The following TWF1 variants were observed in gnomAD, a reference collection of about 807,000 sequenced individuals.
TWF1 encodes twinfilin actin binding protein 1.
A neutral mutation model predicts 47.9 loss-of-function variants in TWF1; 14 were observed. The ratio of observed to expected loss-of-function variants is 0.29; its 90% confidence interval spans 0.19 to 0.46. The LOEUF is 0.46. Among genes scored for constraint, TWF1 ranks in the 20% least tolerant of loss-of-function variants. The pLI is 1.00. For synonymous variants in TWF1, 96 were observed against 139.2 expected (o/e 0.69, Z 2.18); for missense variants, 281 against 409.3 (o/e 0.69, Z 2.70).
intron 8 of TWF1, 79 bp from the exon 9 acceptor site, chr12:43,795,834 C>G: frequency 7.1e-7 from 1 of 1,399,188 alleles, no homozygotes; most frequent in South Asian, 1.2e-5. Context: ...TATGAATGCT[C>G]ACAAATAATA....
At chr12:43,803,474 T>C (rs1367202325) in intron 2 of TWF1, among the ~76,000 whole-genome samples, 3 of 152,154 alleles carry the variant, frequency 2.0e-5, no homozygotes, top group Non-Finnish European at 2.9e-5. Flanking sequence ...TAGGTATTTA[T>C]GATACAATTT....
Position 43,797,516 on chromosome 12 carries a change from T to G in TWF1, c.610-64A>C, listed in dbSNP as rs1404538859. The G allele has an allele frequency of 7.1e-6, 10 of 1,413,284 alleles. No individual in the cohort carries two copies. In the East Asian group the frequency reaches 2.4e-4, roughly 34 times the overall value. 87.5% of individuals were successfully genotyped at this position (1,413,284 alleles called of 1,614,324 possible). On this transcript the variant is annotated intron_variant, in intron 6 of 8. Transcript: ENST00000395510. ...TATAAGGAAATTAAGTTAAAACATATAATAAAAAGACCAAGAGATAAAGGA... is the reference window on the plus strand; with the variant it reads ...TATAAGGAAATTAAGTTAAAACATAGAATAAAAAGACCAAGAGATAAAGGA...
intron 1 of TWF1, among the ~76,000 whole-genome samples, chr12:43,804,816 G>A (rs1942727599): frequency 6.6e-6 from 1 of 152,186 alleles, no homozygotes; most frequent in Admixed American, 6.5e-5. Flanking sequence ...ATTCTGTGCA[G>A]AAATAACACT....
intron 4 of TWF1, 134 bp from the exon 5 acceptor site, chr12:43,799,636 T>C (rs1405263002): frequency 1.6e-5 from 8 of 513,582 alleles, no homozygotes; most frequent in Non-Finnish European, 2.6e-5. Context: ...TTTTAATATC[T>C]TTTTACTTTT....
intron 3 of TWF1, 95 bp downstream of exon 3, chr12:43,802,191 A>G (rs1942673297): frequency 2.3e-5 from 18 of 786,378 alleles, no homozygotes; most frequent in Non-Finnish European, 3.2e-5. Flanking sequence ...TTCTATGGGA[A>G]ATAATTATTG....
chr12:43,806,312 G>T lies in TWF1; in HGVS notation c.-67C>A. ...CAGCGGCCCCGGCCGGCGGCCCCAG[G>T]AAGTGGCTGCTCCTCCGCCGGCCCC... On this transcript the variant is annotated 5_prime_UTR_variant, in exon 1 of 9. Coordinates refer to ENST00000395510, the MANE Select transcript of TWF1 (RefSeq NM_002822.5). The T allele has an allele frequency of 7.1e-7, 1 of 1,412,682 alleles. No homozygotes were observed. The allele number at this position is 1,412,682 out of a possible 1,614,324, so 87.5% of individuals were successfully genotyped here. A position where few individuals can be genotyped will look rare whatever the true frequency, so the allele number is the denominator to read the frequency against.
intron 2 of TWF1, among the ~76,000 whole-genome samples, chr12:43,803,129 G>A (rs940602235): frequency 2.6e-5 from 4 of 152,130 alleles, no homozygotes; most frequent in African/African-American, 9.7e-5. Flanking sequence ...ATAATGTGTG[G>A]CATAGTCATA....
At chr12:43,796,339 T>A (rs1026976305) in intron 8 of TWF1, among the ~76,000 whole-genome samples, 1 of 152,128 alleles carries the variant, frequency 6.6e-6, no homozygotes, top group Non-Finnish European at 1.5e-5. Context: ...GCATGAAGGG[T>A]TCAGAACCTA....
chr12:43,806,173 G>C, intron 1 of TWF1, 48 bp downstream of exon 1: 3 of 1,537,490 alleles, frequency 2.0e-6, no homozygotes, highest in Non-Finnish European at 1.7e-6. Flanking sequence ...CGGCTCTCCC[G>C]GCTCTCCCGG....
intron 1 of TWF1, chr12:43,805,967 G>C: frequency 6.5e-7 from 1 of 1,547,486 alleles, no homozygotes; most frequent in Non-Finnish European, 8.7e-7. Flanking sequence ...CGCCTCGAAA[G>C]CCAATTTCCT....
chr12:43,804,133 T>A (rs1300839909), intron 2 of TWF1: 7 of 355,130 alleles, frequency 2.0e-5, no homozygotes, highest in South Asian at 1.5e-4. Flanking sequence ...ACAAACTTAA[T>A]TGAATAATTC....
At chr12:43,800,960 C>T (rs897372203) in intron 3 of TWF1, among the ~76,000 whole-genome samples, 1 of 152,270 alleles carries the variant, frequency 6.6e-6, no homozygotes, top group South Asian at 2.1e-4. Flanking sequence ...CCATGTTGGT[C>T]AAGCTGGTCT....
rs946152933 is a variant in TWF1 at position 43,805,833 on chromosome 12, G to C, written c.25+388C>G. The C allele has an allele frequency of 2.2e-6, 3 of 1,390,612 alleles. No homozygotes were observed. In the African/African-American group the frequency reaches 4.3e-5, roughly 20 times the overall value. The allele number at this position is 1,390,612 out of a possible 1,614,324, so 86.1% of individuals were successfully genotyped here. ...GGACCATGAAAAAGAAAACTCGCCT[G>C]GTTCTCGACAGCGTACTGAAGCCCC... On this transcript the variant is annotated intron_variant, in intron 1 of 8. Coordinates refer to ENST00000395510, the MANE Select transcript of TWF1 (RefSeq NM_002822.5).
At chr12:43,804,425 A>G (rs1250512349) in intron 2 of TWF1, 70 bp downstream of exon 2, 6 of 949,772 alleles carry the variant, frequency 6.3e-6, no homozygotes, top group Non-Finnish European at 9.9e-6. Context: ...CACTGACAAC[A>G]CACAGTAAGT....
chr12:43,801,599 A>G (rs1468052640), intron 3 of TWF1, among the ~76,000 whole-genome samples: 1 of 152,186 alleles, frequency 6.6e-6, no homozygotes, highest in Non-Finnish European at 1.5e-5. Flanking sequence ...CTTGAATGGT[A>G]GCGATTAATA....
intron 5 of TWF1, among the ~76,000 whole-genome samples, chr12:43,798,059 G>A (rs927890428): frequency 6.6e-6 from 1 of 152,082 alleles, no homozygotes; most frequent in African/African-American, 2.4e-5. Context: ...TGAGTGTACA[G>A]TTAGTGGGGT....
intron 2 of TWF1, among the ~76,000 whole-genome samples, 172 bp from the exon 3 acceptor site, chr12:43,802,636 A>AT (rs1441155221): frequency 2.0e-5 from 3 of 152,242 alleles, no homozygotes; most frequent in African/African-American, 4.8e-5. Context: ...ATAGAGTATT[A>AT]TAAAAACTGT....
chr12:43,800,677 T>C (rs1942643933), intron 3 of TWF1, 147 bp from the exon 4 acceptor site: 4 of 594,368 alleles, frequency 6.7e-6, no homozygotes, highest in Non-Finnish European at 1.2e-5. Context: ...AAAATACGTG[T>C]GTACAAATAA....
chr12:43,803,440 G>A (rs749188388), intron 2 of TWF1, among the ~76,000 whole-genome samples: 1 of 152,020 alleles, frequency 6.6e-6, no homozygotes, highest in Non-Finnish European at 1.5e-5. Flanking sequence ...TAAAATGTTA[G>A]CAGTTATTAA....
Sources: allele counts gnomAD v4.1 joint callset (sites outside exome capture counted in the v4.1 genomes callset), GRCh38; gene constraint gnomAD v4.1.1; transcripts MANE v1.5; gene names NCBI Gene and HGNC (gene_info 2026-07-23, HGNC 2026-07-21).